NLGN1: variants seen among roughly 807,000 people sequenced by gnomAD.
The protein encoded by NLGN1 is neuroligin-1.
In NLGN1, 12 loss-of-function variants were observed where a neutral mutation model predicts 65.5. The ratio of observed to expected loss-of-function variants is 0.18; its 90% CI spans 0.12 to 0.30. The LOEUF (loss-of-function observed/expected upper bound fraction) is 0.30, where lower values mean the gene tolerates loss of function less well. Ranked by LOEUF, NLGN1 falls within the 10% of genes least tolerant of loss-of-function variation. The probability of loss-of-function intolerance (pLI) is 1.00; values close to 1 mark genes in which losing one functional copy is unlikely to be tolerated. For missense variants in NLGN1, 750 were observed against 1,007.1 expected (o/e 0.74, Z 3.46); for synonymous variants, 350 against 359.5 (o/e 0.97, Z 0.30).
At chr3:174,130,477 C>T (rs2152669658) in intron 4 of NLGN1, among the ~76,000 whole-genome samples, 1 of 152,272 alleles carries the variant, frequency 6.6e-6, no homozygotes. Flanking sequence ...TGCCTGACAG[C>T]TCTAAGTCCT....
intron 4 of NLGN1, among the ~76,000 whole-genome samples, chr3:174,004,707 A>G (rs540939525): frequency 1.3e-5 from 2 of 152,256 alleles, no homozygotes; most frequent in East Asian, 3.9e-4. Flanking sequence ...TTTCTTCTTA[A>G]ACTTTAAAAT....
At chr3:173,479,086 T>A (rs147093180) in intron 2 of NLGN1, among the ~76,000 whole-genome samples, 1 of 152,106 alleles carries the variant, frequency 6.6e-6, no homozygotes, top group Non-Finnish European at 1.5e-5. Context: ...GGATATACTA[T>A]AAAAGATGTC....
chr3:173,790,930 A>G (rs1412828786), intron 3 of NLGN1, among the ~76,000 whole-genome samples: 1 of 152,164 alleles, frequency 6.6e-6, no homozygotes, highest in Non-Finnish European at 1.5e-5. Context: ...AAACCTGTAT[A>G]TATCTGTCTC....
intron 3 of NLGN1, among the ~76,000 whole-genome samples, chr3:173,678,642 G>A (rs1370944523): frequency 1.3e-5 from 2 of 152,078 alleles, no homozygotes; most frequent in African/African-American, 4.8e-5. Flanking sequence ...GAAGACAAGA[G>A]ATCCTCTGAG....
chr3:173,971,161 C>T (rs925409735), intron 4 of NLGN1, among the ~76,000 whole-genome samples: 9 of 151,768 alleles, frequency 5.9e-5, no homozygotes, highest in Middle Eastern at 3.4e-3. Flanking sequence ...AATCCCTGAA[C>T]GAGAAAGAGG....
At chr3:173,793,648 A>G (rs1330167856) in intron 3 of NLGN1, among the ~76,000 whole-genome samples, 1 of 152,132 alleles carries the variant, frequency 6.6e-6, no homozygotes, top group Non-Finnish European at 1.5e-5. Context: ...ACAGTCTTGA[A>G]TTTTACTTTT....
At chr3:174,106,077 G>T (rs1226223255) in intron 4 of NLGN1, among the ~76,000 whole-genome samples, 1 of 152,042 alleles carries the variant, frequency 6.6e-6, no homozygotes, top group Non-Finnish European at 1.5e-5. Flanking sequence ...GGACCATAAG[G>T]CTTCTTTTAC....
intron 4 of NLGN1, among the ~76,000 whole-genome samples, chr3:174,140,310 A>T (rs1420376320): frequency 6.6e-6 from 1 of 152,178 alleles, no homozygotes; most frequent in Non-Finnish European, 1.5e-5. Context: ...TTTAGTAGAT[A>T]TCTTTTAACA....
Position 174,043,563 on chromosome 3 carries a change from T to G in NLGN1, c.647-231752T>G, listed in dbSNP as rs1732835612. On this transcript the variant is annotated intron_variant, in intron 4 of 6. Transcript: ENST00000457714. Reference sequence around the variant, plus strand: ...ATCCAATAGAGCATTCATTAAACCTTAAGGTTCCAGAATGATCTCCTTTGA... The same window carrying G: ...ATCCAATAGAGCATTCATTAAACCTGAAGGTTCCAGAATGATCTCCTTTGA... Among the ~76,000 whole-genome samples, 3 of 152,334 alleles carry G rather than the reference T, an allele frequency of 2.0e-5. No individual in the cohort carries two copies. The South Asian group carries it at 6.2e-4, about 32-fold the overall frequency.
intron 4 of NLGN1, among the ~76,000 whole-genome samples, chr3:174,005,775 A>G (rs1293121754): frequency 6.6e-5 from 10 of 151,992 alleles, no homozygotes; most frequent in Non-Finnish European, 8.8e-5. Context: ...TTCCTGAGTG[A>G]GGTGCCTGGG....
At position 173,534,152 on chromosome 3, in the gene NLGN1, C is replaced by G. The variant is rs140787054; in HGVS notation, c.-320-70127C>G. ...GTAGGTTTATTATGTGTCTAACAGTCTTCTGGCACATATTAATTCCACAGC... is the reference window on the plus strand; with the variant it reads ...GTAGGTTTATTATGTGTCTAACAGTGTTCTGGCACATATTAATTCCACAGC... On this transcript the variant is annotated intron_variant, in intron 2 of 6. Coordinates refer to ENST00000457714, the Ensembl canonical transcript of NLGN1. Among the ~76,000 whole-genome samples, 154 of 152,288 alleles carry G rather than the reference C, an allele frequency of 1.0e-3. 1 individual carries two copies. Among genetic ancestry groups the G allele is most frequent in the Middle Eastern group, 6.8e-3 (2 of 294 alleles).
intron 4 of NLGN1, among the ~76,000 whole-genome samples, chr3:173,916,591 G>C (rs1013152706): frequency 6.6e-6 from 1 of 152,124 alleles, no homozygotes; most frequent in Admixed American, 6.6e-5. Flanking sequence ...AGCAATTTCA[G>C]TAGAATGACT....
At chr3:173,463,439 G>A (rs1050591722) in intron 2 of NLGN1, among the ~76,000 whole-genome samples, 1 of 152,108 alleles carries the variant, frequency 6.6e-6, no homozygotes, top group East Asian at 1.9e-4. Flanking sequence ...CTGACCTTGT[G>A]GTACATTCAG....
chr3:173,970,357 C>G (rs992304657), intron 4 of NLGN1, among the ~76,000 whole-genome samples: 1 of 152,004 alleles, frequency 6.6e-6, no homozygotes, highest in Non-Finnish European at 1.5e-5. Context: ...GCCTGAGTCC[C>G]GAAGGCCATT....
At chr3:173,518,774 C>G (rs1005748618) in intron 2 of NLGN1, among the ~76,000 whole-genome samples, 2 of 152,056 alleles carry the variant, frequency 1.3e-5, no homozygotes, top group African/African-American at 4.8e-5. Context: ...AAATGTGCAG[C>G]CCAGCTACGT....
intron 4 of NLGN1, among the ~76,000 whole-genome samples, chr3:173,970,476 G>T (rs1376825306): frequency 6.6e-6 from 1 of 151,994 alleles, no homozygotes; most frequent in Non-Finnish European, 1.5e-5. Flanking sequence ...ATGTTTTATG[G>T]GTAGGTAGGA....
chr3:173,447,336 G>T (rs1438938016), intron 2 of NLGN1, among the ~76,000 whole-genome samples: 2 of 152,098 alleles, frequency 1.3e-5, no homozygotes, highest in East Asian at 3.9e-4. Context: ...TTTCCCCATT[G>T]CTTGTTTTTC....
chr3:173,415,859 G>A (rs1228609071), intron 1 of NLGN1, among the ~76,000 whole-genome samples: 1 of 149,672 alleles, frequency 6.7e-6, no homozygotes, highest in Admixed American at 6.7e-5. Flanking sequence ...GAGATAAGGA[G>A]AACTCTACCT....
chr3:174,246,378 G>A (rs1052253133), intron 4 of NLGN1, among the ~76,000 whole-genome samples: 2 of 152,132 alleles, frequency 1.3e-5, no homozygotes, highest in Non-Finnish European at 2.9e-5. Flanking sequence ...GAATAGACAA[G>A]GCCATTATTC....
Sources: gnomAD v4.1 joint callset for allele counts (sites outside exome capture counted in the v4.1 genomes callset) on GRCh38, gnomAD v4.1.1 for gene constraint, MANE v1.5 for transcripts, NCBI Gene and HGNC (gene_info 2026-07-23, HGNC 2026-07-21) for gene names.